PAQR6: variants seen among roughly 807,000 people sequenced by gnomAD.
PAQR6 encodes the protein membrane progestin receptor delta.
PAQR6 carries 34 observed loss-of-function variants against 36.2 expected under a neutral mutation model. That is an observed-to-expected ratio of 0.94 (90% CI 0.71 to 1.25). The LOEUF (loss-of-function observed/expected upper bound fraction) is 1.25. Among genes scored for constraint, PAQR6 ranks in the 50% most tolerant of loss-of-function variants. PAQR6 has a pLI of 0.00. For synonymous variants in PAQR6, 190 were observed against 190.7 expected (o/e 1.00, Z 0.03); for missense variants, 431 against 445.7 (o/e 0.97, Z 0.30).
chr1:156,245,688 G>A (rs1660307768), intron 4 of PAQR6, 27 bp from the exon 5 acceptor site: 25 of 1,605,796 alleles, frequency 1.6e-5, no homozygotes, highest in Non-Finnish European at 2.1e-5. Flanking sequence ...GCGTGCAGCT[G>A]AGGCCTGAGG....
At position 156,244,911 on chromosome 1, in the gene PAQR6, G is replaced by A; in HGVS notation, c.610C>T (p.Leu204Phe). ...TGGCCCCTGCCCCAGCACAGCCCGA[G>A]CTGTCAAAGGAAAACCAAGGCTGCT... The part of the protein sequence containing the change: ...LFDNLPLFYR[L>F]GLCWGRGHGC... Residue 204 changes from leucine to phenylalanine, a missense_variant and splice_region_variant, in exon 7 of 8, where the codon CTC (leucine) becomes TTC (phenylalanine). Leu to Phe is a conservative substitution (Grantham distance 22, BLOSUM62 0). Transcript: ENST00000292291. The A allele has an allele frequency of 6.2e-7, 1 of 1,612,048 alleles. No homozygotes were observed. Among genetic ancestry groups the A allele is most frequent in the East Asian group, 2.2e-5 (1 of 44,872 alleles).
chr1:156,245,483 T>C (rs1367639198), intron 5 of PAQR6, 52 bp downstream of exon 5: 1 of 1,603,324 alleles, frequency 6.2e-7, no homozygotes, highest in Non-Finnish European at 8.5e-7. Flanking sequence ...AGGTGTGTCC[T>C]CTCCTGTGCC....
rs750083705 is a variant in PAQR6 at position 156,243,826 on chromosome 1, C to G, written c.*303G>C. The G allele has an allele frequency of 6.5e-7, 1 of 1,539,904 alleles. No homozygotes were observed. The highest frequency in any genetic ancestry group is 1.9e-5 in the Admixed American group (1 of 51,584). Reference sequence around the variant, plus strand: ...CCAGATGAAAGGACCCCAACACCTCCCCCCGCCAACCTTTGACAGAATATA... The same window carrying G: ...CCAGATGAAAGGACCCCAACACCTCGCCCCGCCAACCTTTGACAGAATATA... On this transcript the variant is annotated 3_prime_UTR_variant, in exon 8 of 8. Coordinates refer to ENST00000292291, the MANE Select transcript of PAQR6 (RefSeq NM_198406.3).
In PAQR6 at chr1:156,245,673, TG is replaced by T; in HGVS notation, c.386-13del. 6.2e-7 allele frequency: 1 copy of T among 1,610,850 alleles called. No homozygotes were observed. The highest frequency in any genetic ancestry group is 8.5e-7 in the Non-Finnish European group (1 of 1,178,968). On this transcript the variant is annotated splice_polypyrimidine_tract_variant and intron_variant, in intron 4 of 7. Transcript: ENST00000292291. ...GGGGAAGGCGCAGCCTGCGGTGAGG[TG>T]GGGGCGTGCAGCTGAGGCCTGAGGG...
In PAQR6 at chr1:156,244,807, G is replaced by A. The variant is rs1422816259; in HGVS notation, c.714C>T (p.Ala238=). 2.5e-5 allele frequency: 40 copies of A among 1,613,578 alleles called. No homozygotes were observed. Among genetic ancestry groups the A allele is most frequent in the Non-Finnish European group, 3.4e-5 (40 of 1,180,054 alleles). The change falls in exon 7 of 8, where the codon GCC becomes GCT. Residue 238 remains alanine, a synonymous_variant. Transcript: ENST00000292291. ...GTGCCAGCCTTTCAGGCAGGTGGGA[G>A]GCGAAGAGGAAGCCAGTGAGCAGCG... ...FCALLTGFLF[A]SHLPERLAPG...
Position 156,246,766 on chromosome 1 carries a change from G to A in PAQR6, c.-25-10C>T. On this transcript the variant is annotated splice_polypyrimidine_tract_variant and intron_variant, in intron 1 of 7. Transcript: ENST00000292291. ...GTACCTCCACGTTGACCTAGAGACA[G>A]AGTGGGAGGTAGGGGATCAGATAAC... The A allele has an allele frequency of 6.2e-7, 1 of 1,607,782 alleles. No individual in the cohort carries two copies.
intron 7 of PAQR6, 65 bp downstream of exon 7, chr1:156,244,696 C>A (rs1357070108): frequency 6.2e-7 from 1 of 1,612,470 alleles, no homozygotes; most frequent in South Asian, 1.1e-5. Flanking sequence ...TTACCCAGTT[C>A]ATTCTGTGCT....
intron 1 of PAQR6, 87 bp downstream of exon 1, chr1:156,247,870 T>C (rs1272327355): frequency 1.3e-5 from 5 of 386,186 alleles, no homozygotes; most frequent in Admixed American, 9.2e-5. Flanking sequence ...GTGTGTGCAG[T>C]TGCTATGGAA....
rs776829479 is a variant in PAQR6, at chr1:156,244,851, C to T, written c.670G>A (p.Gly224Ser). The change falls in exon 7 of 8, where the codon GGC (glycine) becomes AGC (serine). Residue 224 changes from glycine to serine, a missense_variant. Coordinates refer to ENST00000292291, the MANE Select transcript of PAQR6 (RefSeq NM_198406.3). ...AGCAGCGCGCAGAAGAGATGGTAGC[C>T]ATGGCTGGTGCTCAGGGCCTCCTGC... ...CGQEALSTSH[G>S]YHLFCALLTG... The T allele has an allele frequency of 2.9e-5, 46 of 1,613,310 alleles. No homozygotes were observed. In the Admixed American group the frequency reaches 7.5e-4, roughly 26 times the overall value.
Position 156,243,575 on chromosome 1 carries a change from C to T in PAQR6, c.*554G>A. 1 of 488,368 alleles carries T rather than the reference C, an allele frequency of 2.0e-6. No individual in the cohort carries two copies. Among genetic ancestry groups the T allele is most frequent in the Non-Finnish European group, 3.6e-6 (1 of 278,536 alleles). 30.3% of individuals were successfully genotyped at this position (488,368 alleles called of 1,614,324 possible). On this transcript the variant is annotated 3_prime_UTR_variant, in exon 8 of 8. Transcript: ENST00000292291. ...TCCATAATGCACCCAGATAGGCCCACCCCCAAAAGCCTGGACACCTTGAGC... is the reference window on the plus strand; with the variant it reads ...TCCATAATGCACCCAGATAGGCCCATCCCCAAAAGCCTGGACACCTTGAGC...
At position 156,245,873 on chromosome 1, in the gene PAQR6, C is replaced by T. The variant is rs745335616; in HGVS notation, c.294G>A (p.Ser98=). ...TGGAGCTGAAGGTGTGCGCGCAGCA[C>T]GACGCGAAGGGGTAGAGGCAGGCGG... ...LLPACLYPFA[S]CCAHTFSSMS... is the part of the protein sequence containing the mutation. The change falls in exon 4 of 8, where the codon TCG becomes TCA. Residue 98 remains serine (S), a synonymous_variant. Transcript: ENST00000292291. The T allele has an allele frequency of 1.9e-5, 31 of 1,601,736 alleles. No homozygotes were observed. Among genetic ancestry groups the T allele is most frequent in the Non-Finnish European group, 2.2e-5 (26 of 1,174,980 alleles).
Position 156,243,681 on chromosome 1 carries a change from G to T in PAQR6, c.*448C>A. The T allele has an allele frequency of 2.6e-6, 2 of 762,706 alleles. No homozygotes were observed. Among genetic ancestry groups the T allele is most frequent in the Non-Finnish European group, 4.1e-6 (2 of 482,126 alleles). The allele number at this position is 762,706 out of a possible 1,614,324, so 47.2% of individuals were successfully genotyped here. ...TGGCATTACCTGGTTTGTGGGGATG[G>T]GGGGGCAAGTGTGTGGCCTCTCGGC... On this transcript the variant is annotated 3_prime_UTR_variant, in exon 8 of 8. Transcript: ENST00000292291.
At chr1:156,247,016 G>A (rs1198092878) in intron 1 of PAQR6, among the ~76,000 whole-genome samples, 2 of 152,154 alleles carry the variant, frequency 1.3e-5, no homozygotes, top group Non-Finnish European at 2.9e-5. Flanking sequence ...AAGAGTGGCG[G>A]GGTCCTCCCA....
At position 156,243,828 on chromosome 1, in the gene PAQR6, C is replaced by A. The variant is rs1659700749; in HGVS notation, c.*301G>T. 6.5e-7 allele frequency: 1 copy of A among 1,541,490 alleles called. No homozygotes were observed. Among genetic ancestry groups the A allele is most frequent in the Non-Finnish European group, 8.8e-7 (1 of 1,142,008 alleles). ...AGATGAAAGGACCCCAACACCTCCCCCCGCCAACCTTTGACAGAATATAGG... is the reference window on the plus strand; with the variant it reads ...AGATGAAAGGACCCCAACACCTCCCACCGCCAACCTTTGACAGAATATAGG... On this transcript the variant is annotated 3_prime_UTR_variant, in exon 8 of 8. Transcript: ENST00000292291.
intron 7 of PAQR6, 118 bp from the exon 8 acceptor site, chr1:156,244,521 G>GA: frequency 7.3e-7 from 1 of 1,364,674 alleles, no homozygotes; most frequent in South Asian, 1.5e-5. Flanking sequence ...CAGAGTGACT[G>GA]AAAGGAATGA....
chr1:156,248,010 C>A lies in PAQR6; in HGVS notation c.-79G>T, dbSNP rs771053744. 2 of 463,996 alleles carry A rather than the reference C, an allele frequency of 4.3e-6. No individual in the cohort carries two copies. Among genetic ancestry groups the A allele is most frequent in the South Asian group, 1.6e-5 (1 of 62,698 alleles). The allele number at this position is 463,996 out of a possible 1,614,324, so 28.7% of individuals were successfully genotyped here. ...GTGGGTCAACAGGCCCAGGGCTCCACGGGCGGAGTCCAAGGCTGCTGCCAG... is the reference window on the plus strand; with the variant it reads ...GTGGGTCAACAGGCCCAGGGCTCCAAGGGCGGAGTCCAAGGCTGCTGCCAG... On this transcript the variant is annotated 5_prime_UTR_variant, in exon 1 of 8. Coordinates refer to ENST00000292291, the MANE Select transcript of PAQR6 (RefSeq NM_198406.3).
At chr1:156,245,691 G>C (rs759436689) in intron 4 of PAQR6, 30 bp from the exon 5 acceptor site, 2 of 1,603,820 alleles carry the variant, frequency 1.2e-6, no homozygotes, top group Non-Finnish European at 1.7e-6. Flanking sequence ...TGCAGCTGAG[G>C]CCTGAGGGGC....
At chr1:156,246,907 G>A (rs1374438530) in intron 1 of PAQR6, among the ~76,000 whole-genome samples, 151 bp from the exon 2 acceptor site, 5 of 152,104 alleles carry the variant, frequency 3.3e-5, no homozygotes, top group African/African-American at 7.2e-5. Flanking sequence ...GGGGAAGCTG[G>A]TCCACCTTCC....
chr1:156,243,837 CTT>C lies in PAQR6; in HGVS notation c.*290_*291del, dbSNP rs773499849. On this transcript the variant is annotated 3_prime_UTR_variant, in exon 8 of 8. Coordinates refer to ENST00000292291, the MANE Select transcript of PAQR6 (RefSeq NM_198406.3). ...GACCCCAACACCTCCCCCCGCCAAC[CTT>C]TGACAGAATATAGGGGCATCTTCAG... The C allele has an allele frequency of 6.4e-7, 1 of 1,553,100 alleles. No individual in the cohort carries two copies. Among genetic ancestry groups the C allele is most frequent in the African/African-American group, 1.4e-5 (1 of 73,516 alleles).
Sources: gnomAD v4.1 joint callset for allele counts (sites outside exome capture counted in the v4.1 genomes callset) on GRCh38, gnomAD v4.1.1 for gene constraint, MANE v1.5 for transcripts, NCBI Gene and HGNC (gene_info 2026-07-23, HGNC 2026-07-21) for gene names.